The following PTPRM variants were observed in gnomAD, a reference collection of about 807,000 sequenced individuals.
PTPRM encodes the protein protein tyrosine phosphatase receptor type M.
Under a neutral mutation model 186.7 loss-of-function variants are expected in PTPRM, and 47 were observed. The observed-to-expected ratio is 0.25, with a 90% CI of 0.20 to 0.32. The LOEUF (loss-of-function observed/expected upper bound fraction) is 0.32, where lower values mean the gene tolerates loss of function less well. Ranked by LOEUF, PTPRM falls within the 10% of genes least tolerant of loss-of-function variation. The pLI is 1.00. For missense variants in PTPRM, 1,494 were observed against 1,865.0 expected (o/e 0.80, Z 3.66); for synonymous variants, 668 against 674.9 (o/e 0.99, Z 0.16).
At chr18:8,003,082 G>A (rs1474232879) in intron 7 of PTPRM, among the ~76,000 whole-genome samples, 1 of 152,166 alleles carries the variant, frequency 6.6e-6, no homozygotes, top group Non-Finnish European at 1.5e-5. Flanking sequence ...GAGAAAAAGT[G>A]TTGGTGATAT....
intron 2 of PTPRM, among the ~76,000 whole-genome samples, chr18:7,837,404 C>A (rs1175585117): frequency 6.6e-6 from 1 of 152,082 alleles, no homozygotes; most frequent in African/African-American, 2.4e-5. Context: ...TGATAGAATT[C>A]TGAATTCCTT....
chr18:7,669,365 G>A (rs1160519845), intron 1 of PTPRM, among the ~76,000 whole-genome samples: 1 of 150,860 alleles, frequency 6.6e-6, no homozygotes, highest in Non-Finnish European at 1.5e-5. Context: ...GGCCACATGT[G>A]TGTTGAAGCC....
chr18:7,849,871 A>T (rs138746414), intron 2 of PTPRM, among the ~76,000 whole-genome samples: 44 of 152,350 alleles, frequency 2.9e-4, no homozygotes, highest in Admixed American at 9.8e-4. Flanking sequence ...ACAGCATGGT[A>T]TGTAAGATGC....
At chr18:7,700,975 C>CAAAAAAAAAAAAAAAAAA (rs1262649146) in intron 1 of PTPRM, among the ~76,000 whole-genome samples, 3 of 60,988 alleles carry the variant, frequency 4.9e-5, no homozygotes, top group Admixed American at 2.1e-4. Flanking sequence ...GAGCCTATCT[C>CAAAAAAAAAAAAAAAAAA]AAAAAAAAAA....
At chr18:8,102,879 G>A (rs940761048) in intron 11 of PTPRM, among the ~76,000 whole-genome samples, 3 of 152,172 alleles carry the variant, frequency 2.0e-5, no homozygotes, top group Non-Finnish European at 4.4e-5. Flanking sequence ...AATAAGACAT[G>A]AAAGTTAAAA....
intron 2 of PTPRM, among the ~76,000 whole-genome samples, chr18:7,793,593 G>C (rs113632000): frequency 6.6e-6 from 1 of 152,122 alleles, no homozygotes; most frequent in South Asian, 2.1e-4. Flanking sequence ...TGGAAATTTG[G>C]CTAAAAGTTG....
intron 7 of PTPRM, among the ~76,000 whole-genome samples, chr18:8,048,852 C>T (rs762375620): frequency 5.9e-5 from 9 of 152,144 alleles, no homozygotes; most frequent in Non-Finnish European, 1.3e-4. Flanking sequence ...GTATTTGATT[C>T]ACTTTTTTCA....
At chr18:8,198,931 G>A (rs1250910646) in intron 14 of PTPRM, among the ~76,000 whole-genome samples, 2 of 152,088 alleles carry the variant, frequency 1.3e-5, no homozygotes, top group Non-Finnish European at 2.9e-5. Flanking sequence ...ACAAACTCAG[G>A]TAATGATGGC....
intron 7 of PTPRM, among the ~76,000 whole-genome samples, chr18:8,000,812 A>G (rs2147765119): frequency 6.6e-6 from 1 of 152,294 alleles, no homozygotes; most frequent in East Asian, 1.9e-4. Context: ...CTTTCATAGG[A>G]AGTCAAGAAA....
intron 1 of PTPRM, among the ~76,000 whole-genome samples, chr18:7,718,396 T>G (rs1203403960): frequency 6.6e-6 from 1 of 152,226 alleles, no homozygotes; most frequent in Non-Finnish European, 1.5e-5. Context: ...TCTTTCACCT[T>G]ATTTAAAAAT....
intron 23 of PTPRM, among the ~76,000 whole-genome samples, chr18:8,350,128 C>T (rs685694): frequency 0.99 from 150,339 of 152,318 alleles, 74,230 homozygotes; most frequent in East Asian, 1. Flanking sequence ...GCAACTCTGA[C>T]TGGCCAGAGG....
intron 12 of PTPRM, 63 bp from the exon 13 acceptor site, chr18:8,114,728 A>G (rs565675733): frequency 1.5e-6 from 2 of 1,293,472 alleles, no homozygotes; most frequent in African/African-American, 1.5e-5. Context: ...AGAATTACAG[A>G]TATTTCTATT....
rs574274067 is a variant in PTPRM at position 8,043,496 on chromosome 18, A to C, written c.1133-26190A>C. ...TCTTTATTATATGCTTGCTATTCTA[A>C]GTTTACATTAGAAATGAGACTTGAG... On this transcript the variant is annotated intron_variant, in intron 7 of 32. Coordinates refer to ENST00000580170, the MANE Select transcript of PTPRM (RefSeq NM_001105244.2). Among the ~76,000 whole-genome samples, 11 of 152,116 alleles carry C rather than the reference A, an allele frequency of 7.2e-5. No individual in the cohort carries two copies. In the East Asian group the frequency reaches 1.7e-3, roughly 24 times the overall value.
chr18:7,629,105 C>G (rs1031906553), intron 1 of PTPRM, among the ~76,000 whole-genome samples: 4 of 152,078 alleles, frequency 2.6e-5, no homozygotes, highest in African/African-American at 9.7e-5. Context: ...TGGAAGCAGC[C>G]TCAGAGGAAA....
intron 11 of PTPRM, among the ~76,000 whole-genome samples, chr18:8,094,866 C>A (rs370726050): frequency 6.6e-6 from 1 of 152,108 alleles, no homozygotes; most frequent in Non-Finnish European, 1.5e-5. Flanking sequence ...GAGTGCATGA[C>A]ATAGAGAAGG....
chr18:7,622,819 G>A (rs909870213), intron 1 of PTPRM, among the ~76,000 whole-genome samples: 1 of 152,106 alleles, frequency 6.6e-6, no homozygotes, highest in Non-Finnish European at 1.5e-5. Context: ...AGAGTTGAGA[G>A]TGAAATACTT....
At chr18:7,694,722 G>T (rs541633423) in intron 1 of PTPRM, among the ~76,000 whole-genome samples, 3 of 152,026 alleles carry the variant, frequency 2.0e-5, no homozygotes, top group Non-Finnish European at 4.4e-5. Flanking sequence ...CCGCCGTGCC[G>T]CTGGAAACCC....
intron 1 of PTPRM, among the ~76,000 whole-genome samples, chr18:7,738,685 C>T (rs1193380866): frequency 3.9e-5 from 6 of 151,902 alleles, no homozygotes; most frequent in Non-Finnish European, 8.8e-5. Context: ...TCGAGATCCA[C>T]CCGCCTCGGC....
At chr18:7,579,847 A>G (rs2036796469) in intron 1 of PTPRM, among the ~76,000 whole-genome samples, 1 of 152,110 alleles carries the variant, frequency 6.6e-6, no homozygotes, top group Non-Finnish European at 1.5e-5. Flanking sequence ...TTGTGGAATG[A>G]TTTGTCTTAG....
Sources: allele counts gnomAD v4.1 joint callset (sites outside exome capture counted in the v4.1 genomes callset), GRCh38; gene constraint gnomAD v4.1.1; transcripts MANE v1.5; gene names NCBI Gene and HGNC (gene_info 2026-07-23, HGNC 2026-07-21).